ARMC2: variants seen among roughly 807,000 people sequenced by gnomAD.
ARMC2 encodes armadillo repeat-containing protein 2.
ARMC2 carries 67 observed loss-of-function variants against 90.3 expected under a neutral mutation model. That is an observed-to-expected ratio of 0.74 (90% confidence interval 0.61 to 0.91). The LOEUF (loss-of-function observed/expected upper bound fraction) is 0.91, where lower values mean the gene tolerates loss of function less well. ARMC2 is among the 40% of genes least tolerant of loss of function. The pLI, the probability that ARMC2 is intolerant of heterozygous loss-of-function variation, is 0.00. For missense variants in ARMC2, 920 were observed against 1,030.9 expected (o/e 0.89, Z 1.47); for synonymous variants, 393 against 393.0 (o/e 1.00, Z 0.00).
chr6:108,881,601 C>A (rs1349574508), intron 5 of ARMC2, among the ~76,000 whole-genome samples: 1 of 152,082 alleles, frequency 6.6e-6, no homozygotes, highest in Non-Finnish European at 1.5e-5. Context: ...AGGGAGTATG[C>A]CCTGTGTAAG....
chr6:108,995,203 T>C, the ARMC2 span, among the ~76,000 whole-genome samples: 2 of 152,226 alleles, frequency 1.3e-5, no homozygotes, highest in Non-Finnish European at 2.9e-5. Flanking sequence ...TATGCTGTTT[T>C]AAACTACTTG....
At chr6:108,896,878 T>G (rs1184226665) in intron 6 of ARMC2, among the ~76,000 whole-genome samples, 1 of 152,218 alleles carries the variant, frequency 6.6e-6, no homozygotes, top group East Asian at 1.9e-4. Flanking sequence ...TTTAAGTGTG[T>G]TATAAATATG....
intron 12 of ARMC2, among the ~76,000 whole-genome samples, chr6:108,940,505 A>G (rs1776348453): frequency 6.6e-6 from 1 of 152,174 alleles, no homozygotes; most frequent in African/African-American, 2.4e-5. Context: ...TGGCCACCCC[A>G]ACCTAATCTT....
chr6:108,983,770 C>G, the ARMC2 span, among the ~76,000 whole-genome samples: 4 of 152,322 alleles, frequency 2.6e-5, no homozygotes, highest in Non-Finnish European at 4.4e-5. Flanking sequence ...TTCTCTACTT[C>G]CGTGAAAAAT....
intron 10 of ARMC2, among the ~76,000 whole-genome samples, chr6:108,925,331 G>C (rs1334832621): frequency 3.9e-5 from 6 of 152,132 alleles, no homozygotes; most frequent in Non-Finnish European, 1.5e-5. Flanking sequence ...CTTTGTAGAT[G>C]TCCACCCCTT....
At chr6:108,930,653 G>T (rs1775465546) in intron 11 of ARMC2, among the ~76,000 whole-genome samples, 1 of 138,866 alleles carries the variant, frequency 7.2e-6, no homozygotes, top group Non-Finnish European at 1.5e-5. Flanking sequence ...CTGGAGTGCA[G>T]TGGGGTGATC....
chr6:109,008,484 T>C, the ARMC2 span, among the ~76,000 whole-genome samples: 2 of 152,242 alleles, frequency 1.3e-5, no homozygotes, highest in Admixed American at 1.3e-4. Context: ...TGACAAAGTG[T>C]CTTCATTTAA....
At chr6:109,011,760 C>T in the ARMC2 span, among the ~76,000 whole-genome samples, 5 of 151,824 alleles carry the variant, frequency 3.3e-5, no homozygotes, top group African/African-American at 1.2e-4. Context: ...TCCTGAGTAG[C>T]TGGCACTACA....
intron 5 of ARMC2, among the ~76,000 whole-genome samples, chr6:108,892,543 T>C (rs940701144): frequency 6.6e-6 from 1 of 152,006 alleles, no homozygotes; most frequent in Non-Finnish European, 1.5e-5. Context: ...GCGGATCACC[T>C]GAGGTTGGGA....
intron 11 of ARMC2, 107 bp from the exon 12 acceptor site, chr6:108,936,792 TG>T: frequency 1.1e-6 from 1 of 903,334 alleles, no homozygotes; most frequent in Non-Finnish European, 1.7e-6. Context: ...CTCCTTTTCT[TG>T]AACTGGGCAA....
intron 13 of ARMC2, among the ~76,000 whole-genome samples, chr6:108,955,276 C>T (rs995538852): frequency 7.2e-5 from 11 of 152,152 alleles, no homozygotes; most frequent in African/African-American, 2.7e-4. Flanking sequence ...AGTGCACAGA[C>T]AAGAACCCCA....
the ARMC2 span, among the ~76,000 whole-genome samples, chr6:109,017,786 T>C: frequency 5.3e-5 from 8 of 152,168 alleles, no homozygotes; most frequent in Non-Finnish European, 5.9e-5. Context: ...ACCTCTCTAG[T>C]TGTAATCCCT....
chr6:108,953,385 C>A, intron 13 of ARMC2, 34 bp downstream of exon 13: 1 of 1,558,556 alleles, frequency 6.4e-7, no homozygotes, highest in Non-Finnish European at 8.6e-7. Context: ...GCAGCAGACA[C>A]AACCAACTTT....
At chr6:108,868,439 A>C (rs1028785997) in intron 3 of ARMC2, among the ~76,000 whole-genome samples, 14 of 151,832 alleles carry the variant, frequency 9.2e-5, no homozygotes, top group Non-Finnish European at 1.5e-4. Flanking sequence ...CTGGTCTTGA[A>C]CTCCTGACCT....
At chr6:108,941,069 A>G (rs1776398844) in intron 12 of ARMC2, among the ~76,000 whole-genome samples, 1 of 152,118 alleles carries the variant, frequency 6.6e-6, no homozygotes, top group Non-Finnish European at 1.5e-5. Context: ...GCCATTGATC[A>G]CTAGCTAGCT....
At chr6:109,011,056 A>G in the ARMC2 span, among the ~76,000 whole-genome samples, 119 of 152,350 alleles carry the variant, frequency 7.8e-4, 1 homozygote, top group Non-Finnish European at 1.2e-3. Flanking sequence ...GTATGATTTT[A>G]TTTCTGAAGG....
the ARMC2 span, among the ~76,000 whole-genome samples, chr6:109,051,200 GT>G: frequency 1.5e-4 from 23 of 152,066 alleles, no homozygotes; most frequent in African/African-American, 5.3e-4. Flanking sequence ...TTTCATGATG[GT>G]TTAAAACTTC....
the ARMC2 span, chr6:108,987,770 T>C: frequency 2.1e-6 from 1 of 472,782 alleles, no homozygotes; most frequent in Non-Finnish European, 3.7e-6. Flanking sequence ...CTTGGGTTTG[T>C]TGAACAGATT....
At position 108,943,165 on chromosome 6, in the gene ARMC2, A is replaced by G. The variant is rs552041079; in HGVS notation, c.1596+6166A>G. On this transcript the variant is annotated intron_variant, in intron 12 of 17. Transcript: ENST00000392644. ...AAAAATTAGAATTACATGAGAAGAT[A>G]CCAAAAGTCACAAAATTTTCCATTA... Among the ~76,000 whole-genome samples the G allele has an allele frequency of 3.9e-5, 6 of 152,328 alleles. No homozygotes were observed. The South Asian group carries it at 6.2e-4, about 16-fold the overall frequency.
Sources: allele counts gnomAD v4.1 joint callset (sites outside exome capture counted in the v4.1 genomes callset), GRCh38; gene constraint gnomAD v4.1.1; transcripts MANE v1.5; gene names NCBI Gene and HGNC (gene_info 2026-07-23, HGNC 2026-07-21).